MSRA: variants seen among roughly 807,000 people sequenced by gnomAD.
MSRA encodes methionine sulfoxide reductase A.
A neutral mutation model predicts 31.3 loss-of-function variants in MSRA; 54 were observed. The observed-to-expected ratio is 1.73, with a 90% CI of 1.39 to 2.17. MSRA has a LOEUF of 2.17. Among genes scored for constraint, MSRA ranks in the 30% most tolerant of loss-of-function variants. The probability of loss-of-function intolerance (pLI) is 0.00; values close to 1 mark genes in which losing one functional copy is unlikely to be tolerated. For synonymous variants in MSRA, 169 were observed against 116.5 expected, an observed-to-expected ratio of 1.45 and a Z score of -2.90; for missense variants, 507 against 300.9, an observed-to-expected ratio of 1.69 and a Z score of -5.07.
chr8:10,125,769 G>C (rs142999031), intron 1 of MSRA, among the ~76,000 whole-genome samples: 136 of 152,238 alleles, frequency 8.9e-4, no homozygotes, highest in Non-Finnish European at 1.5e-3. Flanking sequence ...AATAGAAGAT[G>C]CAGTATCTTA....
chr8:10,224,105 C>G (rs28592196), intron 2 of MSRA, among the ~76,000 whole-genome samples: 3 of 152,084 alleles, frequency 2.0e-5, no homozygotes, highest in Non-Finnish European at 4.4e-5. Context: ...AGAATATGTA[C>G]GTTTTATAGG....
chr8:10,159,267 C>T (rs952486572), intron 1 of MSRA, among the ~76,000 whole-genome samples: 9 of 152,206 alleles, frequency 5.9e-5, no homozygotes, highest in African/African-American at 2.2e-4. Flanking sequence ...CATCCATTGA[C>T]AGAGGGGACA....
At chr8:10,266,045 C>T (rs1280590373) in intron 3 of MSRA, among the ~76,000 whole-genome samples, 2 of 152,126 alleles carry the variant, frequency 1.3e-5, no homozygotes, top group Non-Finnish European at 2.9e-5. Flanking sequence ...AATAATGCTG[C>T]CATCAATATT....
chr8:10,320,218 C>T (rs1801970014), intron 5 of MSRA: 2 of 335,632 alleles, frequency 6.0e-6, no homozygotes, highest in Non-Finnish European at 1.1e-5. Flanking sequence ...CCTGTAATCC[C>T]AGTACTTTGG....
chr8:10,414,061 C>A (rs974555238), intron 5 of MSRA, among the ~76,000 whole-genome samples: 1 of 151,982 alleles, frequency 6.6e-6, no homozygotes, highest in South Asian at 2.1e-4. Flanking sequence ...CTGCTACTTG[C>A]GAGGTTGAGA....
chr8:10,115,684 A>G (rs114529251), intron 1 of MSRA, among the ~76,000 whole-genome samples: 5,232 of 152,132 alleles, frequency 0.034, 265 homozygotes, highest in African/African-American at 0.11. Flanking sequence ...CAGACAAGAG[A>G]TTTCCATTCA....
At chr8:10,268,277 C>T (rs916118629) in intron 3 of MSRA, among the ~76,000 whole-genome samples, 1 of 152,188 alleles carries the variant, frequency 6.6e-6, no homozygotes, top group South Asian at 2.1e-4. Context: ...ACGCTTCTTT[C>T]TCATCTAATA....
intron 5 of MSRA, among the ~76,000 whole-genome samples, chr8:10,397,582 T>A (rs996751251): frequency 7.2e-5 from 11 of 152,202 alleles, no homozygotes; most frequent in Admixed American, 2.6e-4. Context: ...CATCTTTCAT[T>A]GGTCTTCATC....
intron 5 of MSRA, among the ~76,000 whole-genome samples, chr8:10,367,417 A>T (rs111453861): frequency 2.0e-5 from 3 of 152,236 alleles, no homozygotes; most frequent in African/African-American, 7.2e-5. Flanking sequence ...TATAGTATAT[A>T]TAGGGTCCCA....
intron 1 of MSRA, among the ~76,000 whole-genome samples, chr8:10,176,056 A>G (rs1457429999): frequency 6.6e-6 from 1 of 152,176 alleles, no homozygotes; most frequent in Non-Finnish European, 1.5e-5. Context: ...GTAATTACTT[A>G]CTCTGTTGCT....
At chr8:10,164,341 C>T (rs910185502) in intron 1 of MSRA, among the ~76,000 whole-genome samples, 3 of 152,120 alleles carry the variant, frequency 2.0e-5, no homozygotes, top group African/African-American at 7.2e-5. Flanking sequence ...CTGCGTATCG[C>T]CTGGGGCTGT....
At chr8:10,201,621 T>G (rs56670500) in intron 1 of MSRA, among the ~76,000 whole-genome samples, 5,267 of 152,306 alleles carry the variant, frequency 0.035, 125 homozygotes, top group African/African-American at 0.065. Flanking sequence ...TACTGTGCCC[T>G]TTTCAAGGAA....
At chr8:10,353,991 C>G (rs565769382) in intron 5 of MSRA, 1 of 177,218 alleles carries the variant, frequency 5.6e-6, no homozygotes, top group African/African-American at 2.4e-5. Flanking sequence ...AGTGGGTTAA[C>G]TTTTAAAAGT....
chr8:10,248,393 G>C (rs1237930474), intron 3 of MSRA, among the ~76,000 whole-genome samples: 2 of 152,108 alleles, frequency 1.3e-5, no homozygotes, highest in Admixed American at 1.3e-4. Flanking sequence ...AGAATCCACA[G>C]GGCCAGCTTT....
At chr8:10,266,083 C>G (rs1001262098) in intron 3 of MSRA, among the ~76,000 whole-genome samples, 13 of 152,198 alleles carry the variant, frequency 8.5e-5, no homozygotes, top group African/African-American at 3.1e-4. Context: ...GTGGGTGTGT[C>G]ATTTCATTTC....
At chr8:10,164,984 T>G (rs567373019) in intron 1 of MSRA, among the ~76,000 whole-genome samples, 1 of 152,242 alleles carries the variant, frequency 6.6e-6, no homozygotes. Flanking sequence ...GCCACGATCA[T>G]GCCACTGCAC....
intron 3 of MSRA, among the ~76,000 whole-genome samples, chr8:10,277,543 G>T (rs773442068): frequency 6.6e-6 from 1 of 152,146 alleles, no homozygotes; most frequent in African/African-American, 2.4e-5. Flanking sequence ...ACTGGGTCTG[G>T]TTCCAATACA....
At chr8:10,360,081 C>G (rs1804754368) in intron 5 of MSRA, among the ~76,000 whole-genome samples, 1 of 152,230 alleles carries the variant, frequency 6.6e-6, no homozygotes, top group Non-Finnish European at 1.5e-5. Context: ...GACAGTGCAG[C>G]TCCAGCCTCT....
intron 3 of MSRA, among the ~76,000 whole-genome samples, chr8:10,296,398 T>C (rs1327197767): frequency 1.3e-5 from 2 of 152,170 alleles, no homozygotes; most frequent in Non-Finnish European, 2.9e-5. Context: ...GCCTTACGCT[T>C]CCCAAATACT....
Sources: allele counts gnomAD v4.1 joint callset (sites outside exome capture counted in the v4.1 genomes callset), GRCh38; gene constraint gnomAD v4.1.1; transcripts MANE v1.5; gene names NCBI Gene and HGNC (gene_info 2026-07-23, HGNC 2026-07-21).